The following DCK variants were observed in gnomAD, a reference collection of about 807,000 sequenced individuals.
DCK encodes the protein deoxycytidine kinase, also known as deoxyadenosine kinase.
DCK carries 23 observed loss-of-function variants against 38.3 expected under a neutral mutation model. The ratio of observed to expected loss-of-function variants is 0.60; its 90% confidence interval spans 0.43 to 0.85. The LOEUF is 0.85. Among genes scored for constraint, DCK ranks in the 40% least tolerant of loss-of-function variants. DCK has a pLI of 0.00. For synonymous variants in DCK, 108 were observed against 100.6 expected, an observed-to-expected ratio of 1.07 and a Z score of -0.44; for missense variants, 259 against 304.4, an observed-to-expected ratio of 0.85 and a Z score of 1.11.
At chr4:71,012,744 T>C (rs1256058415) in intron 2 of DCK, among the ~76,000 whole-genome samples, 1 of 151,662 alleles carries the variant, frequency 6.6e-6, no homozygotes, top group African/African-American at 2.4e-5. Flanking sequence ...AGAAAGGACA[T>C]CCACACCAAA....
chr4:71,029,473 C>T lies in DCK; in HGVS notation c.*95C>T, dbSNP rs758754721. Reference sequence around the variant, plus strand: ...ATTAATATAAGTTTCTTTAGAAAACCCAAGTTTTTAATCGTTTTTGTTTTA... The same window carrying T: ...ATTAATATAAGTTTCTTTAGAAAACTCAAGTTTTTAATCGTTTTTGTTTTA... On this transcript the variant is annotated 3_prime_UTR_variant, in exon 7 of 7. Transcript: ENST00000286648. 6 of 914,532 alleles carry T rather than the reference C, an allele frequency of 6.6e-6. No homozygotes were observed. Among genetic ancestry groups the T allele is most frequent in the African/African-American group, 1.7e-5 (1 of 58,586 alleles). The allele number at this position is 914,532 out of a possible 1,614,324, so 56.7% of individuals were successfully genotyped here. A position where few individuals can be genotyped will look rare whatever the true frequency, so the allele number is the denominator to read the frequency against.
chr4:70,994,992 A>C (rs1739629775), intron 1 of DCK, among the ~76,000 whole-genome samples: 2 of 152,222 alleles, frequency 1.3e-5, no homozygotes, highest in Admixed American at 1.3e-4. Context: ...CTGGTCATTC[A>C]TGCATACAGC....
At position 71,029,347 on chromosome 4, in the gene DCK, C is replaced by G. The variant is rs748564369; in HGVS notation, c.757-5C>G. 6.3e-7 allele frequency: 1 copy of G among 1,588,476 alleles called. No homozygotes were observed. Among genetic ancestry groups the G allele is most frequent in the African/African-American group, 1.4e-5 (1 of 73,594 alleles). ...ATACTGATTTTTTTTTCTTCCTTTC[C>G]TCAGGTCAAAGAGTTTTTGAGTACT... On this transcript the variant is annotated splice_polypyrimidine_tract_variant and splice_region_variant and intron_variant, in intron 6 of 6. Transcript: ENST00000286648.
chr4:71,017,887 C>A (rs1740312957), intron 2 of DCK, among the ~76,000 whole-genome samples: 1 of 151,852 alleles, frequency 6.6e-6, no homozygotes, highest in African/African-American at 2.4e-5. Flanking sequence ...ATGTAACAAA[C>A]CTGCACGTTG....
intron 2 of DCK, among the ~76,000 whole-genome samples, chr4:71,007,247 AT>A (rs1739968747): frequency 6.6e-6 from 1 of 152,196 alleles, no homozygotes; most frequent in Non-Finnish European, 1.5e-5. Flanking sequence ...CTACAGTAGA[AT>A]TTTAAAGTGG....
At chr4:71,020,739 C>A (rs539307537) in intron 2 of DCK, among the ~76,000 whole-genome samples, 2 of 152,102 alleles carry the variant, frequency 1.3e-5, no homozygotes, top group South Asian at 2.1e-4. Flanking sequence ...ATTTTTGCCT[C>A]CCATTCATTT....
At chr4:71,027,912 A>G (rs1740580607) in intron 6 of DCK, among the ~76,000 whole-genome samples, 1 of 152,224 alleles carries the variant, frequency 6.6e-6, no homozygotes. Context: ...ACTAAGAATC[A>G]TTTCACATTA....
chr4:71,025,658 C>T (rs1409134786), intron 4 of DCK, among the ~76,000 whole-genome samples, 158 bp from the exon 5 acceptor site: 1 of 151,646 alleles, frequency 6.6e-6, no homozygotes, highest in Non-Finnish European at 1.5e-5. Flanking sequence ...CTGAAAAGCT[C>T]ATGGAGGGAA....
At chr4:71,014,428 A>G (rs1306821790) in intron 2 of DCK, among the ~76,000 whole-genome samples, 1 of 152,254 alleles carries the variant, frequency 6.6e-6, no homozygotes, top group Non-Finnish European at 1.5e-5. Context: ...CCTAAAAGAC[A>G]TCTACAGAAC....
At chr4:70,998,716 G>T (rs929262067) in intron 2 of DCK, among the ~76,000 whole-genome samples, 61 of 152,146 alleles carry the variant, frequency 4.0e-4, no homozygotes, top group Non-Finnish European at 6.3e-4. Context: ...TTGAGGTGAG[G>T]AGTTCAAGAC....
chr4:71,009,698 G>A (rs1740037491), intron 2 of DCK, among the ~76,000 whole-genome samples: 1 of 152,108 alleles, frequency 6.6e-6, no homozygotes, highest in Non-Finnish European at 1.5e-5. Flanking sequence ...CACATTCTTG[G>A]AAGGTAGCTT....
Position 71,030,295 on chromosome 4 carries a change from A to G in DCK, c.*917A>G, listed in dbSNP as rs1740655075. 1 of 152,238 alleles carries G rather than the reference A, an allele frequency of 6.6e-6. No individual in the cohort carries two copies. Among genetic ancestry groups the G allele is most frequent in the Non-Finnish European group, 1.5e-5 (1 of 68,000 alleles). 9.4% of individuals were successfully genotyped at this position (152,238 alleles called of 1,614,324 possible). ...ACTCATCTTAGTTCTGTATATAAAT[A>G]TATTTTCTTTCTAGTTTGTTTAGTT... On this transcript the variant is annotated 3_prime_UTR_variant, in exon 7 of 7. Coordinates refer to ENST00000286648, the MANE Select transcript of DCK (RefSeq NM_000788.3).
rs1441777413 is a variant in DCK at position 71,030,157 on chromosome 4, A to C, written c.*779A>C. The C allele has an allele frequency of 1.3e-5, 2 of 152,644 alleles. No homozygotes were observed. The highest frequency in any genetic ancestry group is 4.8e-5 in the African/African-American group (2 of 41,470). 9.5% of individuals were successfully genotyped at this position (152,644 alleles called of 1,614,324 possible). A position where few individuals can be genotyped will look rare whatever the true frequency, so the allele number is the denominator to read the frequency against. On this transcript the variant is annotated 3_prime_UTR_variant, in exon 7 of 7. Coordinates refer to ENST00000286648, the MANE Select transcript of DCK (RefSeq NM_000788.3). ...CTGAAAGCATTATTTTTTGTTGAATAGGAAATAAAATTAATGAAGACAGAG... is the reference window on the plus strand; with the variant it reads ...CTGAAAGCATTATTTTTTGTTGAATCGGAAATAAAATTAATGAAGACAGAG...
At chr4:71,016,067 T>TA (rs1740253874) in intron 2 of DCK, among the ~76,000 whole-genome samples, 1 of 152,206 alleles carries the variant, frequency 6.6e-6, no homozygotes, top group Admixed American at 6.5e-5. Context: ...CTTAAGCTGA[T>TA]AAGCAACTTC....
At chr4:71,003,318 A>G (rs1230750146) in intron 2 of DCK, among the ~76,000 whole-genome samples, 1 of 152,208 alleles carries the variant, frequency 6.6e-6, no homozygotes, top group Non-Finnish European at 1.5e-5. Flanking sequence ...GTTTCTGCCG[A>G]GAGATCTGCT....
At chr4:71,009,520 A>G (rs7684954) in intron 2 of DCK, among the ~76,000 whole-genome samples, 122,878 of 152,122 alleles carry the variant, frequency 0.81, 54,280 homozygotes, top group Non-Finnish European at 0.97. Flanking sequence ...ATGGGATGGG[A>G]CATTTTCTTT....
chr4:70,998,003 G>T, intron 1 of DCK, 64 bp from the exon 2 acceptor site: 1 of 696,574 alleles, frequency 1.4e-6, no homozygotes, highest in South Asian at 2.4e-5. Context: ...AAAAGCTAAT[G>T]ACTACTTGAC....
intron 2 of DCK, among the ~76,000 whole-genome samples, chr4:71,014,549 C>G (rs557174870): frequency 6.6e-6 from 1 of 151,482 alleles, no homozygotes; most frequent in Non-Finnish European, 1.5e-5. Flanking sequence ...TGTAAAAGAA[C>G]AGAAATTATA....
intron 2 of DCK, among the ~76,000 whole-genome samples, chr4:71,003,216 AG>A (rs1739855255): frequency 6.6e-6 from 1 of 152,062 alleles, no homozygotes; most frequent in Non-Finnish European, 1.5e-5. Context: ...TCACTTATGA[AG>A]CTTAGTTTGA....
Sources: allele counts gnomAD v4.1 joint callset (sites outside exome capture counted in the v4.1 genomes callset), GRCh38; gene constraint gnomAD v4.1.1; transcripts MANE v1.5; gene names NCBI Gene and HGNC (gene_info 2026-07-23, HGNC 2026-07-21).